MARCHF1: variants seen among roughly 807,000 people sequenced by gnomAD.
MARCHF1 encodes the protein E3 ubiquitin-protein ligase MARCHF1.
MARCHF1 carries 40 observed loss-of-function variants against 54.2 expected under a neutral mutation model. The observed-to-expected ratio is 0.74, with a 90% CI of 0.57 to 0.96. The LOEUF is 0.96. Among genes scored for constraint, MARCHF1 ranks in the 40% least tolerant of loss-of-function variants. The pLI is 0.00. For synonymous variants in MARCHF1, 236 were observed against 236.3 expected, an observed-to-expected ratio of 1.00 and a Z score of 0.01; for missense variants, 586 against 656.5, an observed-to-expected ratio of 0.89 and a Z score of 1.17.
intron 8 of MARCHF1, among the ~76,000 whole-genome samples, chr4:163,555,036 C>A (rs919194750): frequency 7.2e-5 from 11 of 151,928 alleles, no homozygotes; most frequent in African/African-American, 2.7e-4. Context: ...AAAAAAGGTG[C>A]TGAGTAAAAT....
At chr4:163,700,593 C>G (rs1236621172) in intron 5 of MARCHF1, among the ~76,000 whole-genome samples, 1 of 147,432 alleles carries the variant, frequency 6.8e-6, no homozygotes, top group Admixed American at 6.8e-5. Flanking sequence ...AGGAAATTAT[C>G]TCTTGCACAC....
intron 2 of MARCHF1, among the ~76,000 whole-genome samples, chr4:164,095,954 T>C (rs957064714): frequency 1.3e-5 from 2 of 152,138 alleles, no homozygotes; most frequent in Non-Finnish European, 2.9e-5. Context: ...GGAACGCTCA[T>C]GCAGTGCTGC....
intron 4 of MARCHF1, among the ~76,000 whole-genome samples, chr4:163,785,990 A>T (rs751569567): frequency 2.0e-5 from 3 of 152,152 alleles, no homozygotes; most frequent in Middle Eastern, 3.4e-3. Flanking sequence ...AGGTTTGCAC[A>T]TGCTATGATA....
intron 3 of MARCHF1, among the ~76,000 whole-genome samples, chr4:163,880,417 A>T (rs978328292): frequency 1.3e-5 from 2 of 150,950 alleles, no homozygotes; most frequent in Non-Finnish European, 1.5e-5. Flanking sequence ...TAACTTTAAA[A>T]GTAATATAAA....
chr4:164,126,752 T>C (rs1756191062), intron 1 of MARCHF1, among the ~76,000 whole-genome samples: 1 of 152,138 alleles, frequency 6.6e-6, no homozygotes, highest in Non-Finnish European at 1.5e-5. Context: ...AATGCCATTC[T>C]AACGAGATCT....
intron 3 of MARCHF1, among the ~76,000 whole-genome samples, chr4:163,863,199 G>T (rs542726796): frequency 1.5e-3 from 235 of 152,122 alleles, no homozygotes; most frequent in Non-Finnish European, 2.8e-3. Flanking sequence ...AGGATGGAAA[G>T]CAGGCTGTGA....
intron 2 of MARCHF1, among the ~76,000 whole-genome samples, chr4:164,017,820 A>C (rs537090314): frequency 1.4e-5 from 2 of 138,348 alleles, no homozygotes; most frequent in Non-Finnish European, 3.1e-5. Context: ...ATGGAAATGC[A>C]AAGAACCTAA....
At chr4:163,918,917 T>C (rs187675211) in intron 3 of MARCHF1, among the ~76,000 whole-genome samples, 33 of 152,280 alleles carry the variant, frequency 2.2e-4, no homozygotes, top group African/African-American at 7.0e-4. Context: ...TTGGTCTTCA[T>C]AGATACTCTT....
chr4:163,932,451 T>A (rs1420496816), intron 3 of MARCHF1: 1 of 388,940 alleles, frequency 2.6e-6, no homozygotes, highest in African/African-American at 2.1e-5. Flanking sequence ...TTTGTTGTCA[T>A]TTCAACAATG....
intron 1 of MARCHF1, among the ~76,000 whole-genome samples, chr4:164,211,625 G>A (rs1017903806): frequency 1.2e-4 from 18 of 151,920 alleles, no homozygotes; most frequent in Non-Finnish European, 2.4e-4. Flanking sequence ...GGCATATCCT[G>A]GGTACTAGAA....
chr4:163,535,753 CTT>C (rs34118311), intron 9 of MARCHF1, among the ~76,000 whole-genome samples: 67 of 144,166 alleles, frequency 4.6e-4, no homozygotes, highest in East Asian at 3.9e-3. Flanking sequence ...TATAGAAGGG[CTT>C]TTTTTTTTTT....
At chr4:164,102,246 T>C (rs1483324661) in intron 2 of MARCHF1, among the ~76,000 whole-genome samples, 1 of 74,352 alleles carries the variant, frequency 1.3e-5, no homozygotes, top group Non-Finnish European at 2.8e-5. Flanking sequence ...AACGTTCAGA[T>C]TCAGGAAATA....
chr4:163,564,442 T>C (rs1037921563), intron 8 of MARCHF1, among the ~76,000 whole-genome samples: 1 of 152,236 alleles, frequency 6.6e-6, no homozygotes, highest in African/African-American at 2.4e-5. Context: ...ATGTGCAGCA[T>C]GAAAATGCTC....
chr4:164,145,144 G>T (rs1729641276), intron 1 of MARCHF1, among the ~76,000 whole-genome samples: 1 of 150,986 alleles, frequency 6.6e-6, no homozygotes. Flanking sequence ...TCTCTGAATA[G>T]ACCAATAACA....
intron 8 of MARCHF1, among the ~76,000 whole-genome samples, chr4:163,553,150 C>T (rs1739171944): frequency 1.3e-5 from 2 of 152,092 alleles, no homozygotes; most frequent in South Asian, 4.1e-4. Flanking sequence ...ATTTCTTTAT[C>T]TGTAAAATGG....
At position 164,197,249 on chromosome 4, in the gene MARCHF1, C is replaced by T. The variant is rs767304836; in HGVS notation, c.-322-85587G>A. 3 of 1,610,994 alleles carry T rather than the reference C, an allele frequency of 1.9e-6. No homozygotes were observed. In the South Asian group the frequency reaches 3.3e-5, roughly 18 times the overall value. ...AGGCCCTCCACGTGGTCCTCAATAT[C>T]TGAGTAAGGGGCCTCCTTGTGGTCC... is the stretch of plus-strand genomic sequence containing the variant. On this transcript the variant is annotated intron_variant, in intron 1 of 9. Transcript: ENST00000514618.
intron 1 of MARCHF1, among the ~76,000 whole-genome samples, chr4:164,307,072 GC>G (rs1734714514): frequency 1.3e-5 from 2 of 151,960 alleles, no homozygotes; most frequent in African/African-American, 4.8e-5. Flanking sequence ...TATAACTCTT[GC>G]TTGAACAAAA....
intron 2 of MARCHF1, among the ~76,000 whole-genome samples, chr4:164,024,423 GT>G (rs1202820719): frequency 6.6e-6 from 1 of 152,072 alleles, no homozygotes; most frequent in Non-Finnish European, 1.5e-5. Flanking sequence ...GAAGATATTG[GT>G]GGCTTATTTT....
intron 4 of MARCHF1, among the ~76,000 whole-genome samples, chr4:163,730,970 AC>A (rs1314905695): frequency 6.6e-6 from 1 of 152,056 alleles, no homozygotes; most frequent in African/African-American, 2.4e-5. Context: ...AACTTACACT[AC>A]CCCAGGGATT....
Sources: allele counts gnomAD v4.1 joint callset (sites outside exome capture counted in the v4.1 genomes callset), GRCh38; gene constraint gnomAD v4.1.1; transcripts MANE v1.5; gene names NCBI Gene and HGNC (gene_info 2026-07-23, HGNC 2026-07-21).